The following CYTH1 variants were observed in gnomAD, a reference collection of about 807,000 sequenced individuals.
The protein encoded by CYTH1 is cytohesin-1.
A neutral mutation model predicts 61.8 loss-of-function variants in CYTH1; 18 were observed. That is an observed-to-expected ratio of 0.29 (90% CI 0.20 to 0.43). CYTH1 has a LOEUF of 0.43. CYTH1 is among the 20% of genes least tolerant of loss of function. The probability of loss-of-function intolerance (pLI) is 1.00; values close to 1 mark genes in which losing one functional copy is unlikely to be tolerated. For missense variants in CYTH1, 336 were observed against 510.5 expected (o/e 0.66, Z 3.29); for synonymous variants, 174 against 184.3 (o/e 0.94, Z 0.45).
At chr17:78,770,800 C>G (rs113903166) in intron 1 of CYTH1, among the ~76,000 whole-genome samples, 1 of 152,094 alleles carries the variant, frequency 6.6e-6, no homozygotes, top group South Asian at 2.1e-4. Flanking sequence ...GGTAAGGGCA[C>G]GCTTCTGAAA....
chr17:78,711,649 A>G (rs554676346), intron 1 of CYTH1, among the ~76,000 whole-genome samples: 39 of 152,154 alleles, frequency 2.6e-4, no homozygotes, highest in African/African-American at 9.4e-4. Flanking sequence ...TAGAAACAAT[A>G]GACTACAGTG....
intron 13 of CYTH1, chr17:78,676,535 C>T (rs558117469): frequency 1.0e-4 from 28 of 281,010 alleles, no homozygotes; most frequent in Non-Finnish European, 1.4e-4. Flanking sequence ...TTTGCAGCAG[C>T]GAGTGCCACG....
chr17:78,680,427 C>A, intron 12 of CYTH1, 83 bp from the exon 13 acceptor site: 1 of 1,438,214 alleles, frequency 7.0e-7, no homozygotes, highest in Non-Finnish European at 9.4e-7. Context: ...CCCCAAAACC[C>A]CTTTCTTCTG....
chr17:78,777,955 G>T (rs769621881), intron 1 of CYTH1, among the ~76,000 whole-genome samples: 3 of 151,970 alleles, frequency 2.0e-5, no homozygotes, highest in Non-Finnish European at 4.4e-5. Flanking sequence ...TGAAAACAGC[G>T]CACACACAAA....
At chr17:78,750,862 G>A (rs1265950510) in intron 1 of CYTH1, among the ~76,000 whole-genome samples, 1 of 151,902 alleles carries the variant, frequency 6.6e-6, no homozygotes, top group African/African-American at 2.4e-5. Flanking sequence ...CTAAACCGTT[G>A]CTCCTAGGGG....
chr17:78,703,337 G>C (rs1419516777), intron 3 of CYTH1, among the ~76,000 whole-genome samples: 1 of 147,434 alleles, frequency 6.8e-6, no homozygotes, highest in East Asian at 2.0e-4. Flanking sequence ...ACTTGAATTT[G>C]GGAGTTGGAG....
intron 1 of CYTH1, among the ~76,000 whole-genome samples, chr17:78,744,086 G>C (rs997584131): frequency 1.3e-5 from 2 of 152,142 alleles, no homozygotes; most frequent in African/African-American, 4.8e-5. Flanking sequence ...AAATATACGG[G>C]CTTTTTCGGT....
intron 3 of CYTH1, among the ~76,000 whole-genome samples, chr17:78,705,580 C>T (rs1215788607): frequency 1.3e-5 from 2 of 152,010 alleles, no homozygotes; most frequent in East Asian, 3.9e-4. Flanking sequence ...ATCAGATCGT[C>T]GATGAGAAAC....
chr17:78,703,872 T>C (rs955930137), intron 3 of CYTH1, among the ~76,000 whole-genome samples: 3 of 152,252 alleles, frequency 2.0e-5, no homozygotes, highest in Non-Finnish European at 4.4e-5. Flanking sequence ...GGGACAATTA[T>C]GCAGAAGGCT....
intron 1 of CYTH1, among the ~76,000 whole-genome samples, chr17:78,774,722 C>A (rs2093484367): frequency 6.6e-6 from 1 of 152,120 alleles, no homozygotes; most frequent in South Asian, 2.1e-4. Flanking sequence ...AATCTTCTCA[C>A]CACCCACACA....
intron 4 of CYTH1, 66 bp downstream of exon 4, chr17:78,702,472 G>A (rs1303998991): frequency 1.2e-5 from 19 of 1,535,804 alleles, no homozygotes; most frequent in Non-Finnish European, 1.7e-5. Context: ...CGTTTTTAGG[G>A]TCTATCTGAG....
intron 1 of CYTH1, among the ~76,000 whole-genome samples, chr17:78,713,673 A>G (rs986622481): frequency 6.7e-6 from 1 of 148,760 alleles, no homozygotes; most frequent in Non-Finnish European, 1.5e-5. Context: ...TTCACACATG[A>G]CAATTTTTCT....
At chr17:78,724,879 T>C (rs915285311) in intron 1 of CYTH1, among the ~76,000 whole-genome samples, 11 of 152,244 alleles carry the variant, frequency 7.2e-5, no homozygotes, top group East Asian at 3.8e-4. Flanking sequence ...GGCTCTGCGT[T>C]GTATCTTGTC....
intron 1 of CYTH1, among the ~76,000 whole-genome samples, chr17:78,730,273 C>G (rs1242523538): frequency 1.3e-5 from 2 of 151,546 alleles, no homozygotes; most frequent in African/African-American, 4.9e-5. Context: ...CGCCTTTAAT[C>G]CCAGCACTTT....
chr17:78,693,113 C>G (rs935339365), intron 10 of CYTH1, among the ~76,000 whole-genome samples: 4 of 152,144 alleles, frequency 2.6e-5, no homozygotes, highest in African/African-American at 4.8e-5. Context: ...TCTCCCGGGT[C>G]CTGGGTGAGA....
At chr17:78,739,212 A>G (rs2093332665) in intron 1 of CYTH1, among the ~76,000 whole-genome samples, 1 of 152,152 alleles carries the variant, frequency 6.6e-6, no homozygotes, top group East Asian at 1.9e-4. Flanking sequence ...ATAACCAGTC[A>G]CTTGTTTTTA....
intron 1 of CYTH1, among the ~76,000 whole-genome samples, chr17:78,781,346 C>G (rs1371341455): frequency 6.6e-6 from 1 of 152,250 alleles, no homozygotes; most frequent in Non-Finnish European, 1.5e-5. Context: ...AAATTAACTA[C>G]AGCATGTCAA....
At chr17:78,740,187 T>C (rs2093336891) in intron 1 of CYTH1, among the ~76,000 whole-genome samples, 1 of 152,146 alleles carries the variant, frequency 6.6e-6, no homozygotes, top group African/African-American at 2.4e-5. Flanking sequence ...CCACCCACCT[T>C]GGCCTCCCAA....
chr17:78,690,348 C>T (rs556421900), intron 11 of CYTH1, among the ~76,000 whole-genome samples: 16 of 128,826 alleles, frequency 1.2e-4, no homozygotes, highest in Admixed American at 7.6e-4. Flanking sequence ...GAGCCGAGAT[C>T]GTGCCACTGC....
Sources: gnomAD v4.1 joint callset for allele counts (sites outside exome capture counted in the v4.1 genomes callset) on GRCh38, gnomAD v4.1.1 for gene constraint, MANE v1.5 for transcripts, NCBI Gene and HGNC (gene_info 2026-07-23, HGNC 2026-07-21) for gene names.